The following CARD6 variants were observed in gnomAD, a reference collection of about 807,000 sequenced individuals.
The protein encoded by CARD6 is caspase recruitment domain-containing protein 6.
A neutral mutation model predicts 23.6 loss-of-function variants in CARD6; 27 were observed. The ratio of observed to expected loss-of-function variants is 1.14; its 90% CI spans 0.84 to 1.58. The LOEUF (loss-of-function observed/expected upper bound fraction) is 1.58, where lower values mean the gene tolerates loss of function less well. CARD6 is among the 40% of genes most tolerant of loss of function. CARD6 has a pLI of 0.00. For synonymous variants in CARD6, 397 were observed against 431.8 expected (o/e 0.92, Z 1.00); for missense variants, 1,214 against 1,209.9 (o/e 1.00, Z -0.05).
rs1455936727 is a variant in CARD6, at chr5:40,843,693, G to A, written c.825G>A (p.Gln275=). The stretch of plus-strand genomic sequence containing the variant: ...CCAGCCTTTCATTGGAGGAGGAACA[G>A]GAGAAAAGTATAGAAGGTATGGAAA... The part of the protein sequence containing the change: ...SETSLSLEEE[Q]EKSIEERKKV... The change falls in exon 2 of 3, where the codon CAG becomes CAA. Residue 275 remains glutamine (Q), a synonymous_variant. Coordinates refer to ENST00000254691, the MANE Select transcript of CARD6 (RefSeq NM_032587.4). The A allele has an allele frequency of 2.6e-6, 4 of 1,543,442 alleles. No individual in the cohort carries two copies. The highest frequency in any genetic ancestry group is 2.2e-5 in the Admixed American group (1 of 44,554).
At chr5:40,844,014 T>C (rs1230046927) in intron 2 of CARD6, among the ~76,000 whole-genome samples, 1 of 151,950 alleles carries the variant, frequency 6.6e-6, no homozygotes, top group African/African-American at 2.4e-5. Flanking sequence ...GTACGAGGAG[T>C]TGCTAATCAT....
chr5:40,844,791 C>T (rs778537607), intron 2 of CARD6, among the ~76,000 whole-genome samples: 2 of 151,604 alleles, frequency 1.3e-5, no homozygotes, highest in African/African-American at 2.4e-5. Flanking sequence ...ACAATAAACA[C>T]AGATTTCTTG....
intron 2 of CARD6, among the ~76,000 whole-genome samples, chr5:40,849,840 G>A (rs1396429071): frequency 1.3e-5 from 2 of 151,968 alleles, no homozygotes; most frequent in African/African-American, 4.8e-5. Context: ...GTTAGGTGGG[G>A]TTGATGGTGT....
chr5:40,850,127 A>C (rs1746031485), intron 2 of CARD6, among the ~76,000 whole-genome samples: 1 of 152,060 alleles, frequency 6.6e-6, no homozygotes, highest in African/African-American at 2.4e-5. Flanking sequence ...AGAAAGAACC[A>C]GTATCGGCCA....
intron 2 of CARD6, among the ~76,000 whole-genome samples, chr5:40,848,479 G>C (rs1746001456): frequency 6.6e-6 from 1 of 151,978 alleles, no homozygotes. Context: ...GCCTCCCACT[G>C]TTTTGGAATT....
intron 1 of CARD6, among the ~76,000 whole-genome samples, chr5:40,842,483 TGATCAGA>T (rs1745878817): frequency 6.6e-6 from 1 of 152,228 alleles, no homozygotes; most frequent in African/African-American, 2.4e-5. Context: ...AAATTATTTG[TGATCAGA>T]TTTCATTAGC....
At position 40,843,297 on chromosome 5, in the gene CARD6, A is replaced by G. The variant is rs373278813; in HGVS notation, c.429A>G (p.Glu143=). The change falls in exon 2 of 3, where the codon GAA becomes GAG. Residue 143 remains glutamate (E), a synonymous_variant. Coordinates refer to ENST00000254691, the MANE Select transcript of CARD6 (RefSeq NM_032587.4). ...FFSEKEHLDL[E]TSEFFRDKKT... is the part of the protein sequence containing the mutation. ...GTGAGAAGGAACACTTGGATTTGGA[A>G]ACCTCTGAGTTTTTCAGGGACAAGA... The G allele has an allele frequency of 4.3e-6, 7 of 1,614,174 alleles. No individual in the cohort carries two copies. Among genetic ancestry groups the G allele is most frequent in the African/African-American group, 1.3e-5 (1 of 75,052 alleles).
intron 2 of CARD6, among the ~76,000 whole-genome samples, chr5:40,844,303 G>A (rs755342404): frequency 1.3e-5 from 2 of 152,184 alleles, no homozygotes; most frequent in Non-Finnish European, 2.9e-5. Flanking sequence ...GCACAATCAT[G>A]ACTCACCGCA....
chr5:40,855,046 A>G lies in CARD6; in HGVS notation c.*600A>G, dbSNP rs1005636541. On this transcript the variant is annotated 3_prime_UTR_variant, in exon 3 of 3. Coordinates refer to ENST00000254691, the MANE Select transcript of CARD6 (RefSeq NM_032587.4). Reference sequence around the variant, plus strand: ...ACTTGCACCCAGGGAATGGGGGTCTATGAGACAACCCCACTTGGAGAAGAA... The same window carrying G: ...ACTTGCACCCAGGGAATGGGGGTCTGTGAGACAACCCCACTTGGAGAAGAA... 1 of 153,020 alleles carries G rather than the reference A, an allele frequency of 6.5e-6. No individual in the cohort carries two copies. The highest frequency in any genetic ancestry group is 1.5e-5 in the Non-Finnish European group (1 of 68,582). 9.5% of individuals were successfully genotyped at this position (153,020 alleles called of 1,614,324 possible).
intron 2 of CARD6, among the ~76,000 whole-genome samples, chr5:40,845,361 A>G (rs991644440): frequency 1.3e-5 from 2 of 152,146 alleles, no homozygotes; most frequent in African/African-American, 4.8e-5. Flanking sequence ...ATTAGGGCCC[A>G]CCCTAATAAC....
intron 1 of CARD6, 93 bp downstream of exon 1, chr5:40,841,758 T>C: frequency 3.7e-6 from 4 of 1,081,584 alleles, no homozygotes; most frequent in Non-Finnish European, 5.3e-6. Flanking sequence ...TGCCTTTTAT[T>C]TTTGTTAGTC....
intron 2 of CARD6, among the ~76,000 whole-genome samples, chr5:40,851,440 G>A (rs931046730): frequency 1.3e-5 from 2 of 152,150 alleles, no homozygotes; most frequent in African/African-American, 4.8e-5. Flanking sequence ...GTACCATATT[G>A]ATATCTCCCC....
Position 40,843,534 on chromosome 5 carries a change from A to C in CARD6, c.666A>C (p.Glu222Asp). The C allele has an allele frequency of 6.2e-7, 1 of 1,608,388 alleles. No homozygotes were observed. Among genetic ancestry groups the C allele is most frequent in the East Asian group, 2.2e-5 (1 of 44,854 alleles). Residue 222 changes from glutamate (E) to aspartate (D), a missense_variant, in exon 2 of 3, where the codon GAA becomes GAC. Transcript: ENST00000254691. ...EEYLGSVDTP[E>D]DAEATVEEEV... The stretch of plus-strand genomic sequence containing the variant: ...ATCTAGGATCTGTTGACACCCCTGA[A>C]GATGCAGAAGCCACTGTGGAAGAGG...
rs1278204460 is a variant in CARD6, at chr5:40,855,284, ACT to A, written c.*844_*845del. On this transcript the variant is annotated 3_prime_UTR_variant, in exon 3 of 3. Transcript: ENST00000254691. ...AGCCCCAATTTGCTTGAATGGGAAA[ACT>A]CTCTCATTTGACCCTTATAGGTAGA... The A allele has an allele frequency of 1.3e-5, 2 of 152,220 alleles. No individual in the cohort carries two copies. Among genetic ancestry groups the A allele is most frequent in the African/African-American group, 4.8e-5 (2 of 41,406 alleles). The allele number at this position is 152,220 out of a possible 1,614,324, so 9.4% of individuals were successfully genotyped here.
chr5:40,853,763 T>C lies in CARD6; in HGVS notation c.2431T>C (p.Ser811Pro). The C allele has an allele frequency of 6.2e-7, 1 of 1,614,176 alleles. No individual in the cohort carries two copies. Among genetic ancestry groups the C allele is most frequent in the Non-Finnish European group, 8.5e-7 (1 of 1,180,036 alleles). ...TTCCAGAGTTGCTCGGGGATGTCACTCGAATGGAACATTTGGGAGACTGCC... is the reference window on the plus strand; with the variant it reads ...TTCCAGAGTTGCTCGGGGATGTCACCCGAATGGAACATTTGGGAGACTGCC... ...KFSRVARGCH[S>P]NGTFGRLPRP... is the part of the protein sequence containing the mutation. The change falls in exon 3 of 3, where the codon TCG becomes CCG. Residue 811 changes from serine to proline, a missense_variant. Coordinates refer to ENST00000254691, the MANE Select transcript of CARD6 (RefSeq NM_032587.4).
intron 2 of CARD6, among the ~76,000 whole-genome samples, chr5:40,851,337 A>T (rs1386736941): frequency 1.3e-5 from 2 of 152,114 alleles, no homozygotes; most frequent in Admixed American, 1.3e-4. Context: ...TCTAAAAAAA[A>T]AAAATAGAAT....
chr5:40,845,539 C>T (rs1345093993), intron 2 of CARD6, among the ~76,000 whole-genome samples: 3 of 151,972 alleles, frequency 2.0e-5, no homozygotes, highest in Non-Finnish European at 4.4e-5. Flanking sequence ...ATTTTGGGGC[C>T]CCATTCTTAA....
intron 2 of CARD6, among the ~76,000 whole-genome samples, chr5:40,846,941 T>G (rs890695796): frequency 6.6e-6 from 1 of 152,170 alleles, no homozygotes; most frequent in Non-Finnish European, 1.5e-5. Flanking sequence ...AAGCCAGGTT[T>G]AGGGTTGGGG....
rs775475652 is a variant in CARD6, at chr5:40,852,746, A to G, written c.1414A>G (p.Asn472Asp). 2 of 1,613,896 alleles carry G rather than the reference A, an allele frequency of 1.2e-6. No individual in the cohort carries two copies. The highest frequency in any genetic ancestry group is 1.7e-6 in the Non-Finnish European group (2 of 1,179,904). The change falls in exon 3 of 3, where the codon AAC (asparagine) becomes GAC (aspartate). Residue 472 changes from asparagine (N) to aspartate (D), a missense_variant. By Grantham distance (23) the Asn-to-Asp change is conservative. Transcript: ENST00000254691. Reference sequence around the variant, plus strand: ...TAGCTTCTCTAAGTCCAGAATCCTCAACACACTTCTCAGCCCTGCCCAGTT... The same window carrying G: ...TAGCTTCTCTAAGTCCAGAATCCTCGACACACTTCTCAGCCCTGCCCAGTT... Reference protein sequence around the residue: ...YCSFSKSRILNTLLSPAQLKL... With the variant: ...YCSFSKSRILDTLLSPAQLKL...
Sources: gnomAD v4.1 joint callset for allele counts (sites outside exome capture counted in the v4.1 genomes callset) on GRCh38, gnomAD v4.1.1 for gene constraint, MANE v1.5 for transcripts, NCBI Gene and HGNC (gene_info 2026-07-23, HGNC 2026-07-21) for gene names.